The following CSMD1 variants were observed in gnomAD, a reference collection of about 807,000 sequenced individuals.
CSMD1 encodes the protein CUB and Sushi multiple domains 1, also known as CUB and sushi domain-containing protein 1.
Under a neutral mutation model 417.5 loss-of-function variants are expected in CSMD1, and 213 were observed. The ratio of observed to expected loss-of-function variants is 0.51; its 90% confidence interval spans 0.46 to 0.57. CSMD1 has a LOEUF of 0.57. CSMD1 is among the 20% of genes least tolerant of loss of function. The probability of loss-of-function intolerance (pLI) is 0.00; values close to 1 mark genes in which losing one functional copy is unlikely to be tolerated. For synonymous variants in CSMD1, 2,862 were observed against 1,736.8 expected, an observed-to-expected ratio of 1.65 and a Z score of -16.11; for missense variants, 6,923 against 4,529.7, an observed-to-expected ratio of 1.53 and a Z score of -15.17.
At chr8:3,240,867 G>C (rs555154829) in intron 26 of CSMD1, among the ~76,000 whole-genome samples, 94 of 152,222 alleles carry the variant, frequency 6.2e-4, no homozygotes, top group African/African-American at 2.1e-3. Context: ...CGGGGGAATT[G>C]TAAGGAGAGT....
rs149555529 is a variant in CSMD1, at chr8:3,155,937, T to C, written c.5914+1960A>G. Among the ~76,000 whole-genome samples, 915 of 152,314 alleles carry C rather than the reference T, an allele frequency of 6.0e-3. 5 individuals are homozygous for C. Among genetic ancestry groups the C allele is most frequent in the Non-Finnish European group, 0.01 (690 of 68,028 alleles). The stretch of plus-strand genomic sequence containing the variant: ...TGTACACAATTTCACCTGCATCCCA[T>C]GCAAGGCAGTTAAATTGTGTATTAC... On this transcript the variant is annotated intron_variant, in intron 39 of 69. Coordinates refer to ENST00000635120, the MANE Select transcript of CSMD1 (RefSeq NM_033225.6).
At chr8:3,857,654 G>A (rs776576909) in intron 5 of CSMD1, among the ~76,000 whole-genome samples, 11 of 152,098 alleles carry the variant, frequency 7.2e-5, no homozygotes, top group African/African-American at 2.2e-4. Flanking sequence ...CAGATGGTCC[G>A]AATGAGTGGA....
chr8:4,155,966 G>A (rs919921264), intron 3 of CSMD1, among the ~76,000 whole-genome samples: 7 of 152,116 alleles, frequency 4.6e-5, no homozygotes, highest in Non-Finnish European at 1.0e-4. Flanking sequence ...TAATCATCAA[G>A]TCACCAAAGT....
At chr8:4,027,003 G>C (rs1173702945) in intron 4 of CSMD1, among the ~76,000 whole-genome samples, 1 of 152,192 alleles carries the variant, frequency 6.6e-6, no homozygotes, top group Non-Finnish European at 1.5e-5. Context: ...CACTATGACA[G>C]ATAATAAGCT....
At chr8:4,833,764 G>C (rs575999022) in intron 1 of CSMD1, among the ~76,000 whole-genome samples, 1 of 152,118 alleles carries the variant, frequency 6.6e-6, no homozygotes, top group Non-Finnish European at 1.5e-5. Context: ...ACTTCTATTC[G>C]TTATCTTAGG....
At chr8:3,724,924 C>T (rs1414439766) in intron 6 of CSMD1, among the ~76,000 whole-genome samples, 1 of 152,194 alleles carries the variant, frequency 6.6e-6, no homozygotes, top group African/African-American at 2.4e-5. Context: ...ACATGCCCCA[C>T]TATGTACAAA....
rs1175905929 is a variant in CSMD1, at chr8:3,394,012, T to TTATATA, written c.2593+2176_2593+2181dup. Among the ~76,000 whole-genome samples, 173 of 31,488 alleles carry TTATATA rather than the reference T, an allele frequency of 5.5e-3. 2 individuals carry two copies. Among genetic ancestry groups the TTATATA allele is most frequent in the Non-Finnish European group, 7.5e-3 (126 of 16,806 alleles). 20.7% of individuals were successfully genotyped at this position (31,488 alleles called of 152,430 possible). On this transcript the variant is annotated intron_variant, in intron 17 of 69. Coordinates refer to ENST00000635120, the MANE Select transcript of CSMD1 (RefSeq NM_033225.6). The stretch of plus-strand genomic sequence containing the variant: ...ATAATAATAATAATAAAAAAATAAA[T>TTATATA]TATATATATATATATATATATATAT...
At chr8:4,106,681 T>C (rs1177015937) in intron 3 of CSMD1, among the ~76,000 whole-genome samples, 1 of 152,246 alleles carries the variant, frequency 6.6e-6, no homozygotes, top group Non-Finnish European at 1.5e-5. Flanking sequence ...ACATTTTCTT[T>C]ATTTCATACC....
chr8:3,953,792 C>T (rs1211506196), intron 5 of CSMD1, among the ~76,000 whole-genome samples: 1 of 152,082 alleles, frequency 6.6e-6, no homozygotes, highest in Non-Finnish European at 1.5e-5. Context: ...CCCGCAACAC[C>T]TCAGAGCTAT....
chr8:4,190,937 G>A (rs1239172105), intron 3 of CSMD1, among the ~76,000 whole-genome samples: 1 of 151,204 alleles, frequency 6.6e-6, no homozygotes, highest in Non-Finnish European at 1.5e-5. Context: ...GACACAAACT[G>A]CGGCTCAGTG....
At chr8:3,772,379 T>TTATATATACATATATA (rs1563064092) in intron 5 of CSMD1, among the ~76,000 whole-genome samples, 8 of 15,996 alleles carry the variant, frequency 5.0e-4, no homozygotes, top group Admixed American at 7.3e-4. Context: ...ATACATATAT[T>TTATATATACATATATA]CATATATTTA....
chr8:3,378,587 G>C (rs1048453863), intron 18 of CSMD1, among the ~76,000 whole-genome samples: 1 of 152,186 alleles, frequency 6.6e-6, no homozygotes, highest in Non-Finnish European at 1.5e-5. Flanking sequence ...TGCAAGGCTA[G>C]TTCCATATAT....
intron 2 of CSMD1, among the ~76,000 whole-genome samples, chr8:4,573,778 C>A (rs1331108672): frequency 6.6e-6 from 1 of 152,184 alleles, no homozygotes; most frequent in African/African-American, 2.4e-5. Context: ...TATCTATGAG[C>A]CGCTGACTGG....
At chr8:4,839,741 T>C (rs781265789) in intron 1 of CSMD1, among the ~76,000 whole-genome samples, 15 of 152,352 alleles carry the variant, frequency 9.8e-5, no homozygotes, top group Non-Finnish European at 1.8e-4. Context: ...CAAAGTTTAA[T>C]AGCCTCGAAT....
chr8:3,153,789 C>T (rs1819344616), intron 39 of CSMD1, among the ~76,000 whole-genome samples: 1 of 152,200 alleles, frequency 6.6e-6, no homozygotes, highest in Non-Finnish European at 1.5e-5. Flanking sequence ...GGAAACTGAT[C>T]ATGGGCCTGA....
At chr8:4,106,491 C>G (rs1801575028) in intron 3 of CSMD1, among the ~76,000 whole-genome samples, 1 of 151,984 alleles carries the variant, frequency 6.6e-6, no homozygotes, top group African/African-American at 2.4e-5. Flanking sequence ...CTTGAGTAAC[C>G]CTGTTCAATA....
intron 5 of CSMD1, among the ~76,000 whole-genome samples, chr8:3,796,289 G>GATATAGATATCTATCATGTATAC (rs752078697): frequency 0.13 from 6,015 of 46,050 alleles, 2,246 homozygotes; most frequent in East Asian, 0.43. Context: ...ATCATGTATA[G>GATATAGATATCTATCATGTATAC]ATATATCTAT....
At chr8:3,841,580 C>G (rs1803135019) in intron 5 of CSMD1, among the ~76,000 whole-genome samples, 5 of 151,976 alleles carry the variant, frequency 3.3e-5, no homozygotes. Context: ...CACAAAATCA[C>G]CAAATATTAG....
intron 1 of CSMD1, among the ~76,000 whole-genome samples, chr8:4,879,181 C>T (rs1317995839): frequency 6.6e-6 from 1 of 151,966 alleles, no homozygotes; most frequent in Non-Finnish European, 1.5e-5. Context: ...GGAGAATAGG[C>T]AGGCACAGAG....
Sources: gnomAD v4.1 joint callset for allele counts (sites outside exome capture counted in the v4.1 genomes callset) on GRCh38, gnomAD v4.1.1 for gene constraint, MANE v1.5 for transcripts, NCBI Gene and HGNC (gene_info 2026-07-23, HGNC 2026-07-21) for gene names.